ARB2A: variants seen among roughly 807,000 people sequenced by gnomAD.
ARB2A encodes the protein cotranscriptional regulator ARB2A.
At chr5:93,640,582 G>A in the ARB2A span, among the ~76,000 whole-genome samples, 74 of 149,758 alleles carry the variant, frequency 4.9e-4, 1 homozygote, top group African/African-American at 1.7e-3. Flanking sequence ...GTATGTGTGT[G>A]TGTGTGTGTG....
chr5:93,797,905 A>G, the ARB2A span, among the ~76,000 whole-genome samples: 2 of 152,126 alleles, frequency 1.3e-5, 1 homozygote, highest in South Asian at 4.1e-4. Flanking sequence ...TCTTTTAGGC[A>G]TATATGTATG....
the ARB2A span, among the ~76,000 whole-genome samples, chr5:93,992,563 T>C: frequency 1.3e-5 from 2 of 152,060 alleles, no homozygotes; most frequent in Non-Finnish European, 2.9e-5. Context: ...AGTAACATGA[T>C]GAACTTCTAC....
the ARB2A span, among the ~76,000 whole-genome samples, chr5:93,642,496 C>T: frequency 6.6e-6 from 1 of 152,118 alleles, no homozygotes; most frequent in African/African-American, 2.4e-5. Flanking sequence ...CTCAGCCTCC[C>T]AAGTAGCTGG....
the ARB2A span, among the ~76,000 whole-genome samples, chr5:94,064,650 A>T: frequency 6.6e-6 from 1 of 152,226 alleles, no homozygotes; most frequent in Non-Finnish European, 1.5e-5. Context: ...ATTGCTCAAC[A>T]GAACCTTACG....
the ARB2A span, among the ~76,000 whole-genome samples, chr5:93,934,038 C>A: frequency 6.6e-6 from 1 of 151,768 alleles, no homozygotes; most frequent in Admixed American, 6.6e-5. Flanking sequence ...AGAGGGCAAA[C>A]TGGAGAGAAA....
the ARB2A span, among the ~76,000 whole-genome samples, chr5:93,780,717 G>A: frequency 0.087 from 13,164 of 151,930 alleles, 893 homozygotes; most frequent in African/African-American, 0.18. Context: ...CTGCCACCAC[G>A]CCTGGCTAAT....
the ARB2A span, among the ~76,000 whole-genome samples, chr5:93,673,584 G>A: frequency 6.6e-6 from 1 of 152,130 alleles, no homozygotes; most frequent in Non-Finnish European, 1.5e-5. Context: ...CCCACAAACA[G>A]CCCATAGAGA....
the ARB2A span, among the ~76,000 whole-genome samples, chr5:93,894,123 A>G: frequency 6.6e-6 from 1 of 152,234 alleles, no homozygotes; most frequent in Non-Finnish European, 1.5e-5. Context: ...AGACTATTTT[A>G]AAATACATCT....
chr5:94,111,497 A>T, the ARB2A span: 4 of 152,478 alleles, frequency 2.6e-5, no homozygotes, highest in African/African-American at 9.6e-5. Context: ...CATCCCCGCA[A>T]ACGGCAGTCC....
the ARB2A span, among the ~76,000 whole-genome samples, chr5:93,718,991 C>T: frequency 1.1e-3 from 170 of 152,308 alleles, 1 homozygote; most frequent in African/African-American, 3.9e-3. Flanking sequence ...TTAGGCAACA[C>T]TGACAGCTCT....
At chr5:93,765,693 A>C in the ARB2A span, among the ~76,000 whole-genome samples, 1 of 152,196 alleles carries the variant, frequency 6.6e-6, no homozygotes, top group Non-Finnish European at 1.5e-5. Flanking sequence ...ACTACTTTAA[A>C]GTTCATATGG....
At chr5:93,920,931 G>C in the ARB2A span, among the ~76,000 whole-genome samples, 1 of 152,010 alleles carries the variant, frequency 6.6e-6, no homozygotes, top group Non-Finnish European at 1.5e-5. Flanking sequence ...ATTTCTCACT[G>C]TTCTTGCATA....
the ARB2A span, among the ~76,000 whole-genome samples, chr5:93,963,939 T>C: frequency 6.6e-6 from 1 of 151,954 alleles, no homozygotes; most frequent in African/African-American, 2.4e-5. Context: ...AATGTCAAAA[T>C]GTGCAAGATT....
At chr5:93,990,540 G>T in the ARB2A span, among the ~76,000 whole-genome samples, 1 of 133,084 alleles carries the variant, frequency 7.5e-6, no homozygotes, top group Admixed American at 8.9e-5. Flanking sequence ...TAAGTAAAAA[G>T]ATACTCTTTC....
the ARB2A span, among the ~76,000 whole-genome samples, chr5:93,831,638 A>G: frequency 6.6e-6 from 1 of 152,232 alleles, no homozygotes; most frequent in Non-Finnish European, 1.5e-5. Context: ...AGAAAGGGAT[A>G]GAATGAATCA....
the ARB2A span, among the ~76,000 whole-genome samples, chr5:93,646,360 T>C: frequency 2.0e-5 from 3 of 152,026 alleles, no homozygotes; most frequent in African/African-American, 4.8e-5. Context: ...CTTTTAACTA[T>C]TGAAGTTTTA....
chr5:93,927,604 T>C, the ARB2A span, among the ~76,000 whole-genome samples: 4 of 152,352 alleles, frequency 2.6e-5, no homozygotes, highest in Non-Finnish European at 5.9e-5. Flanking sequence ...TTCCAATCTA[T>C]TATTTACTAG....
At chr5:94,046,079 CAG>C in the ARB2A span, among the ~76,000 whole-genome samples, 2 of 152,146 alleles carry the variant, frequency 1.3e-5, no homozygotes, top group African/African-American at 4.8e-5. Context: ...AGGGAGAAAA[CAG>C]TGTAAGATGG....
At chr5:93,840,363 A>G in the ARB2A span, among the ~76,000 whole-genome samples, 1 of 152,184 alleles carries the variant, frequency 6.6e-6, no homozygotes, top group Non-Finnish European at 1.5e-5. Flanking sequence ...CAAACGATAA[A>G]TATTCAGAAC....
Sources: gnomAD v4.1 joint callset for allele counts (sites outside exome capture counted in the v4.1 genomes callset) on GRCh38, gnomAD v4.1.1 for gene constraint, MANE v1.5 for transcripts, NCBI Gene and HGNC (gene_info 2026-07-23, HGNC 2026-07-21) for gene names.